PPP1R14C: variants seen among roughly 807,000 people sequenced by gnomAD.
The protein encoded by PPP1R14C is protein phosphatase 1 regulatory inhibitor subunit 14C.
PPP1R14C carries 16 observed loss-of-function variants against 20.4 expected under a neutral mutation model. That is an observed-to-expected ratio of 0.78 (90% CI 0.53 to 1.19). The LOEUF (loss-of-function observed/expected upper bound fraction) is 1.19. Among genes scored for constraint, PPP1R14C ranks in the 50% most tolerant of loss-of-function variants. The pLI, the probability that PPP1R14C is intolerant of heterozygous loss-of-function variation, is 0.00. For synonymous variants in PPP1R14C, 91 were observed against 91.0 expected, an observed-to-expected ratio of 1.00 and a Z score of 0.00; for missense variants, 211 against 220.1, an observed-to-expected ratio of 0.96 and a Z score of 0.26.
intron 3 of PPP1R14C, among the ~76,000 whole-genome samples, chr6:150,228,286 C>G (rs368511563): frequency 2.0e-5 from 3 of 152,328 alleles, no homozygotes; most frequent in East Asian, 1.9e-4. Flanking sequence ...GCACCAATCA[C>G]AAGTTCACAC....
At chr6:150,232,494 G>A (rs7452004) in intron 3 of PPP1R14C, among the ~76,000 whole-genome samples, 2,814 of 152,268 alleles carry the variant, frequency 0.018, 105 homozygotes, top group East Asian at 0.13. Context: ...GAAATCTTTC[G>A]TGACTGTAAG....
chr6:150,203,743 G>C (rs899160326), intron 1 of PPP1R14C, among the ~76,000 whole-genome samples: 1 of 152,178 alleles, frequency 6.6e-6, no homozygotes, highest in East Asian at 1.9e-4. Context: ...TTCCATCATC[G>C]GGTAATTTGA....
At chr6:150,219,057 C>G (rs964903540) in intron 3 of PPP1R14C, among the ~76,000 whole-genome samples, 31 of 151,784 alleles carry the variant, frequency 2.0e-4, no homozygotes, top group African/African-American at 7.5e-4. Context: ...TCCTTTTCAT[C>G]TATACCCTCA....
At chr6:150,235,022 C>T (rs1197693188) in intron 3 of PPP1R14C, among the ~76,000 whole-genome samples, 5 of 152,090 alleles carry the variant, frequency 3.3e-5, no homozygotes, top group African/African-American at 9.7e-5. Context: ...GACAGATTAA[C>T]TGGGTTTGGG....
chr6:150,190,646 T>A (rs115966391), intron 1 of PPP1R14C, among the ~76,000 whole-genome samples: 2,584 of 152,172 alleles, frequency 0.017, 54 homozygotes, highest in African/African-American at 0.051. Flanking sequence ...ACGACGGTCT[T>A]GATTTCTTGA....
Position 150,195,527 on chromosome 6 carries a change from T to A in PPP1R14C, c.307-19217T>A, listed in dbSNP as rs567746342. On this transcript the variant is annotated intron_variant, in intron 1 of 3. Coordinates refer to ENST00000361131, the MANE Select transcript of PPP1R14C (RefSeq NM_030949.3). The stretch of plus-strand genomic sequence containing the variant: ...CATGCCTGGCTAATTTTTGTATGTT[T>A]ATACAGATGGGGTTTCACCATGTTG... 2.0e-5 allele frequency among the ~76,000 whole-genome samples: 3 copies of A among 152,284 alleles called. No homozygotes were observed. The South Asian group carries it at 6.2e-4, about 32-fold the overall frequency.
intron 1 of PPP1R14C, among the ~76,000 whole-genome samples, chr6:150,166,371 C>T (rs778977774): frequency 1.1e-4 from 17 of 152,180 alleles, no homozygotes; most frequent in Admixed American, 2.6e-4. Flanking sequence ...TGAGCCACCG[C>T]GCCCAGCCAA....
rs563539100 is a variant in PPP1R14C at position 150,206,121 on chromosome 6, C to G, written c.307-8623C>G. Among the ~76,000 whole-genome samples the G allele has an allele frequency of 5.3e-5, 8 of 152,266 alleles. No individual in the cohort carries two copies. The East Asian group carries it at 1.5e-3, about 29-fold the overall frequency. On this transcript the variant is annotated intron_variant, in intron 1 of 3. Coordinates refer to ENST00000361131, the MANE Select transcript of PPP1R14C (RefSeq NM_030949.3). ...GCTCCTGGCAGCTTCTTAGACACAG[C>G]CTGGCATTACGTGTTTTCCCTTGAT... is the stretch of plus-strand genomic sequence containing the variant.
intron 1 of PPP1R14C, among the ~76,000 whole-genome samples, chr6:150,199,431 C>T (rs969959993): frequency 6.6e-6 from 1 of 152,138 alleles, no homozygotes; most frequent in African/African-American, 2.4e-5. Flanking sequence ...ATGCAGCATT[C>T]CATTTCACCT....
Position 150,214,727 on chromosome 6 carries a change from C to T in PPP1R14C, c.307-17C>T, listed in dbSNP as rs762480481. The T allele has an allele frequency of 4.4e-6, 7 of 1,603,662 alleles. No individual in the cohort carries two copies. In the South Asian group the frequency reaches 6.6e-5, roughly 15 times the overall value. ...TTACTAAATTAAATGCCTTCATATC[C>T]TCCCACTGCCCCCCAGGAAGAAGAA... On this transcript the variant is annotated splice_polypyrimidine_tract_variant and intron_variant, in intron 1 of 3. Transcript: ENST00000361131.
intron 1 of PPP1R14C, among the ~76,000 whole-genome samples, chr6:150,168,086 T>G (rs989312015): frequency 1.4e-5 from 1 of 70,188 alleles, no homozygotes; most frequent in Non-Finnish European, 2.8e-5. Context: ...TCTCTCCCTT[T>G]CCGTTTTCAC....
At chr6:150,163,832 A>C (rs1777397184) in intron 1 of PPP1R14C, among the ~76,000 whole-genome samples, 1 of 152,160 alleles carries the variant, frequency 6.6e-6, no homozygotes, top group Admixed American at 6.5e-5. Flanking sequence ...TGAGCTCCCG[A>C]GAATATTATT....
At chr6:150,216,569 A>AAT (rs1348950533) in intron 2 of PPP1R14C, among the ~76,000 whole-genome samples, 2 of 151,932 alleles carry the variant, frequency 1.3e-5, no homozygotes, top group African/African-American at 2.4e-5. Context: ...CAAAAAAAAA[A>AAT]AATAAATATT....
intron 1 of PPP1R14C, among the ~76,000 whole-genome samples, chr6:150,171,841 T>C (rs935935522): frequency 2.0e-5 from 3 of 152,168 alleles, no homozygotes; most frequent in South Asian, 2.1e-4. Flanking sequence ...GGAGTCTTGC[T>C]CTCACCCAGG....
At chr6:150,209,870 TATGA>T (rs1044072392) in intron 1 of PPP1R14C, among the ~76,000 whole-genome samples, 2 of 151,576 alleles carry the variant, frequency 1.3e-5, no homozygotes, top group Non-Finnish European at 2.9e-5. Flanking sequence ...GATGTGAGTG[TATGA>T]ATGGTGTGGA....
chr6:150,239,812 G>A (rs897683428), intron 3 of PPP1R14C, among the ~76,000 whole-genome samples: 6 of 152,234 alleles, frequency 3.9e-5, no homozygotes, highest in African/African-American at 1.4e-4. Context: ...CAGCACTTTG[G>A]GAGGCCAAGG....
At chr6:150,183,074 C>T (rs1777639778) in intron 1 of PPP1R14C, among the ~76,000 whole-genome samples, 1 of 152,128 alleles carries the variant, frequency 6.6e-6, no homozygotes, top group Non-Finnish European at 1.5e-5. Context: ...TATTATTATG[C>T]TGGAAATCCA....
intron 1 of PPP1R14C, chr6:150,194,456 A>G (rs1316232699): frequency 3.1e-6 from 3 of 983,316 alleles, no homozygotes; most frequent in East Asian, 2.3e-4. Flanking sequence ...TTTAAGTGGC[A>G]TGTGTAATTT....
At chr6:150,214,079 G>A (rs982965732) in intron 1 of PPP1R14C, among the ~76,000 whole-genome samples, 3 of 152,202 alleles carry the variant, frequency 2.0e-5, no homozygotes, top group South Asian at 2.1e-4. Context: ...TGAAGGGGAC[G>A]TTCTTGTAAA....
Sources: allele counts gnomAD v4.1 joint callset (sites outside exome capture counted in the v4.1 genomes callset), GRCh38; gene constraint gnomAD v4.1.1; transcripts MANE v1.5; gene names NCBI Gene and HGNC (gene_info 2026-07-23, HGNC 2026-07-21).